ZNF438: variants seen among roughly 807,000 people sequenced by gnomAD.
ZNF438 encodes zinc finger protein 438.
ZNF438 carries 25 observed loss-of-function variants against 38.0 expected under a neutral mutation model. The ratio of observed to expected loss-of-function variants is 0.66; its 90% CI spans 0.48 to 0.92. ZNF438 has a LOEUF of 0.92. Ranked by LOEUF, ZNF438 falls within the 40% of genes least tolerant of loss-of-function variation. ZNF438 has a pLI of 0.00. For synonymous variants in ZNF438, 372 were observed against 364.1 expected (o/e 1.02, Z -0.25); for missense variants, 1,007 against 999.6 (o/e 1.01, Z -0.10).
intron 2 of ZNF438, among the ~76,000 whole-genome samples, chr10:30,916,392 T>C (rs913640202): frequency 9.9e-5 from 15 of 151,998 alleles, no homozygotes; most frequent in Non-Finnish European, 1.9e-4. Flanking sequence ...AAGTTATAAA[T>C]AGTAAAATGA....
intron 2 of ZNF438, among the ~76,000 whole-genome samples, chr10:30,917,243 T>C (rs573959438): frequency 8.4e-4 from 128 of 152,228 alleles, no homozygotes; most frequent in African/African-American, 3.0e-3. Context: ...ATTCTCTTAC[T>C]GATGGGAAGC....
At chr10:30,945,388 CTTT>C (rs61149961) in intron 1 of ZNF438, among the ~76,000 whole-genome samples, 5 of 141,114 alleles carry the variant, frequency 3.5e-5, no homozygotes, top group African/African-American at 1.3e-4. Context: ...GATTCTTTTA[CTTT>C]TTTTTTTTTT....
At chr10:30,904,910 T>C (rs148810777) in intron 3 of ZNF438, among the ~76,000 whole-genome samples, 18 of 152,342 alleles carry the variant, frequency 1.2e-4, no homozygotes, top group Non-Finnish European at 1.6e-4. Context: ...ATAATCTTAG[T>C]GGCCCCTGTA....
chr10:30,947,205 T>C (rs2047517783), intron 1 of ZNF438, among the ~76,000 whole-genome samples: 2 of 152,242 alleles, frequency 1.3e-5, no homozygotes, highest in Non-Finnish European at 2.9e-5. Flanking sequence ...ATTCTCGAGT[T>C]GAAGGCCACC....
At chr10:31,000,121 T>C (rs2054497230) in intron 1 of ZNF438, among the ~76,000 whole-genome samples, 1 of 152,232 alleles carries the variant, frequency 6.6e-6, no homozygotes, top group South Asian at 2.1e-4. Flanking sequence ...CTCTCAAGCT[T>C]AGAATCCAAA....
intron 2 of ZNF438, chr10:30,921,279 G>C (rs1048756913): frequency 5.9e-5 from 9 of 152,142 alleles, no homozygotes; most frequent in African/African-American, 1.7e-4. Context: ...AAGTAAAAAA[G>C]ATCTGTCCTC....
At chr10:30,850,934 AC>A (rs1257842749) in intron 4 of ZNF438, among the ~76,000 whole-genome samples, 1 of 152,164 alleles carries the variant, frequency 6.6e-6, no homozygotes, top group Non-Finnish European at 1.5e-5. Flanking sequence ...CATTTGACCC[AC>A]TGGCAGTTGA....
intron 1 of ZNF438, among the ~76,000 whole-genome samples, chr10:30,987,129 A>G (rs966276393): frequency 2.6e-5 from 4 of 152,108 alleles, no homozygotes; most frequent in African/African-American, 9.7e-5. Flanking sequence ...ATTAAAATTT[A>G]CAAACGTTTA....
chr10:30,914,679 A>G (rs567741210), intron 2 of ZNF438, among the ~76,000 whole-genome samples: 2 of 152,164 alleles, frequency 1.3e-5, no homozygotes, highest in East Asian at 3.9e-4. Flanking sequence ...ACTGGATTAT[A>G]TATACTCGAC....
At chr10:31,024,908 G>C (rs1371630204) in intron 1 of ZNF438, among the ~76,000 whole-genome samples, 1 of 152,078 alleles carries the variant, frequency 6.6e-6, no homozygotes, top group East Asian at 1.9e-4. Context: ...TTACAATCCA[G>C]GATTATATAA....
At chr10:30,913,484 A>G (rs1312456625) in intron 2 of ZNF438, among the ~76,000 whole-genome samples, 1 of 151,982 alleles carries the variant, frequency 6.6e-6, no homozygotes, top group East Asian at 1.9e-4. Context: ...TTTTTGCTTA[A>G]ATGTATCCTC....
intron 1 of ZNF438, among the ~76,000 whole-genome samples, chr10:30,985,672 A>G (rs1475322612): frequency 6.6e-6 from 1 of 152,236 alleles, no homozygotes; most frequent in African/African-American, 2.4e-5. Context: ...CAACAAAGAC[A>G]AAATTACCGT....
intron 1 of ZNF438, among the ~76,000 whole-genome samples, chr10:30,943,951 T>G (rs374440342): frequency 2.6e-5 from 4 of 152,114 alleles, no homozygotes; most frequent in Admixed American, 1.3e-4. Flanking sequence ...AAAAGAGTTA[T>G]GAGAGAAGAT....
At chr10:30,877,829 A>C (rs1434565551) in intron 3 of ZNF438, among the ~76,000 whole-genome samples, 1 of 152,250 alleles carries the variant, frequency 6.6e-6, no homozygotes, top group African/African-American at 2.4e-5. Context: ...AATGTTCCTA[A>C]GCATGACACC....
chr10:30,874,112 GTGTATATATATATATATATA>G (rs1159587070), intron 4 of ZNF438, among the ~76,000 whole-genome samples: 1 of 36,068 alleles, frequency 2.8e-5, no homozygotes, highest in African/African-American at 4.1e-5. Flanking sequence ...GGGTGTGTGT[GTGTATATATATATATATATA>G]TATATATATA....
intron 2 of ZNF438, 100 bp downstream of exon 3, chr10:30,941,475 T>C (rs1446013228): frequency 6.6e-6 from 1 of 152,180 alleles, no homozygotes; most frequent in Non-Finnish European, 1.5e-5. Context: ...GAAGATATGC[T>C]GAGAAATTTG....
At chr10:30,948,363 G>A (rs1194652555) in intron 1 of ZNF438, among the ~76,000 whole-genome samples, 15 of 152,068 alleles carry the variant, frequency 9.9e-5, no homozygotes, top group Non-Finnish European at 1.5e-4. Flanking sequence ...CCAAAGGAAC[G>A]CAGTTCCTCA....
At chr10:30,880,818 C>T (rs1400762185) in intron 3 of ZNF438, among the ~76,000 whole-genome samples, 1 of 152,034 alleles carries the variant, frequency 6.6e-6, no homozygotes, top group Admixed American at 6.5e-5. Context: ...TCCAGGAATA[C>T]ACAACTGGTT....
At chr10:30,981,289 A>T (rs571126807) in intron 1 of ZNF438, among the ~76,000 whole-genome samples, 1 of 152,302 alleles carries the variant, frequency 6.6e-6, no homozygotes, top group East Asian at 1.9e-4. Flanking sequence ...ACCCCAGGAG[A>T]ATCCACTCTA....
Sources: allele counts gnomAD v4.1 joint callset (sites outside exome capture counted in the v4.1 genomes callset), GRCh38; gene constraint gnomAD v4.1.1; transcripts MANE v1.5; gene names NCBI Gene and HGNC (gene_info 2026-07-23, HGNC 2026-07-21).